RBFOX1: variants seen among roughly 807,000 people sequenced by gnomAD.
RBFOX1 encodes RNA binding fox-1 homolog 1.
A neutral mutation model predicts 57.7 loss-of-function variants in RBFOX1; 8 were observed. The ratio of observed to expected loss-of-function variants is 0.14; its 90% confidence interval spans 0.08 to 0.25. RBFOX1 has a LOEUF of 0.25. Ranked by LOEUF, RBFOX1 falls within the 10% of genes least tolerant of loss-of-function variation. RBFOX1 has a pLI of 1.00. For synonymous variants in RBFOX1, 326 were observed against 222.4 expected, an observed-to-expected ratio of 1.47 and a Z score of -4.15; for missense variants, 611 against 548.5, an observed-to-expected ratio of 1.11 and a Z score of -1.14.
intron 2 of RBFOX1, among the ~76,000 whole-genome samples, chr16:6,381,335 T>G (rs994939909): frequency 6.6e-6 from 1 of 152,126 alleles, no homozygotes; most frequent in Non-Finnish European, 1.5e-5. Context: ...CCTCCCACCC[T>G]TCCATCTTTT....
At chr16:6,988,059 C>A (rs9921058) in intron 3 of RBFOX1, among the ~76,000 whole-genome samples, 152,101 of 152,312 alleles carry the variant, frequency 1, 75,946 homozygotes, top group East Asian at 1. Context: ...AGTTACCCCA[C>A]ATTCCACAGC....
chr16:7,237,996 C>T (rs989455782), intron 4 of RBFOX1, among the ~76,000 whole-genome samples: 11 of 152,048 alleles, frequency 7.2e-5, no homozygotes, highest in African/African-American at 2.4e-4. Flanking sequence ...AAAGCAAGAC[C>T]CTGTCTCAAA....
intron 2 of RBFOX1, among the ~76,000 whole-genome samples, chr16:5,523,366 A>AG (rs113760112): frequency 0.044 from 6,692 of 151,994 alleles, 511 homozygotes; most frequent in African/African-American, 0.15. Context: ...CTGTAATCCC[A>AG]CACTTTGGGA....
chr16:7,510,422 G>C (rs1034987), intron 4 of RBFOX1: 734,497 of 845,072 alleles, frequency 0.87, 321,401 homozygotes, highest in Middle Eastern at 0.9. Flanking sequence ...GTAGCTTGCT[G>C]CTTGAATCAT....
chr16:7,688,260 T>TGTGAGAGAGAGA (rs1319185243), intron 14 of RBFOX1, among the ~76,000 whole-genome samples: 13 of 125,384 alleles, frequency 1.0e-4, no homozygotes, highest in African/African-American at 3.9e-4. Context: ...TGTGTGTGTG[T>TGTGAGAGAGAGA]GAGAGAGAGA....
At chr16:6,445,824 G>C (rs1452213549) in intron 2 of RBFOX1, among the ~76,000 whole-genome samples, 2 of 152,030 alleles carry the variant, frequency 1.3e-5, no homozygotes, top group African/African-American at 2.4e-5. Context: ...CTCGTGATCT[G>C]CCCTCCTCAG....
intron 3 of RBFOX1, among the ~76,000 whole-genome samples, chr16:6,890,416 G>A (rs2065130285): frequency 6.6e-6 from 1 of 152,212 alleles, no homozygotes; most frequent in Non-Finnish European, 1.5e-5. Flanking sequence ...CCACTTGGAA[G>A]GCTGAGGCTG....
At chr16:6,512,661 G>T (rs1232471026) in intron 2 of RBFOX1, among the ~76,000 whole-genome samples, 1 of 152,154 alleles carries the variant, frequency 6.6e-6, no homozygotes, top group African/African-American at 2.4e-5. Context: ...TATCTGTGAG[G>T]CTTTCTAGTT....
chr16:5,414,436 T>C (rs904000269), intron 1 of RBFOX1, among the ~76,000 whole-genome samples: 2 of 152,322 alleles, frequency 1.3e-5, no homozygotes, highest in South Asian at 2.1e-4. Context: ...ATGAGAGATT[T>C]ATTCCCTCTA....
chr16:6,657,902 G>T (rs1386807782), intron 3 of RBFOX1, among the ~76,000 whole-genome samples: 2 of 152,038 alleles, frequency 1.3e-5, no homozygotes, highest in African/African-American at 4.8e-5. Flanking sequence ...GGCTTCTCAA[G>T]AATCACTTTA....
intron 2 of RBFOX1, among the ~76,000 whole-genome samples, chr16:6,494,796 G>GA (rs1282015744): frequency 6.6e-6 from 1 of 152,020 alleles, no homozygotes; most frequent in East Asian, 1.9e-4. Flanking sequence ...CTGATACAAG[G>GA]AAAAAAGAAA....
At chr16:6,626,313 A>G (rs1043422876) in intron 2 of RBFOX1, among the ~76,000 whole-genome samples, 2 of 152,156 alleles carry the variant, frequency 1.3e-5, no homozygotes, top group East Asian at 3.9e-4. Context: ...CAGGTCACCC[A>G]TGAACCTAGA....
chr16:6,980,991 C>T (rs1416303170), intron 3 of RBFOX1, among the ~76,000 whole-genome samples: 9 of 135,392 alleles, frequency 6.6e-5, no homozygotes, highest in African/African-American at 1.7e-4. Context: ...TGCAGTCTGC[C>T]GAGATCACGC....
chr16:7,175,648 C>T (rs979776649), intron 4 of RBFOX1, among the ~76,000 whole-genome samples: 1 of 152,206 alleles, frequency 6.6e-6, no homozygotes, highest in South Asian at 2.1e-4. Context: ...CAGCTGTGTG[C>T]CTCCAGTGTG....
At chr16:5,760,447 C>T (rs1187208103) in intron 3 of RBFOX1, among the ~76,000 whole-genome samples, 1 of 152,090 alleles carries the variant, frequency 6.6e-6, no homozygotes, top group Non-Finnish European at 1.5e-5. Context: ...TATTCAATTA[C>T]ATGTCCATAT....
At chr16:6,094,847 G>T (rs984158916) in intron 1 of RBFOX1, among the ~76,000 whole-genome samples, 1 of 152,172 alleles carries the variant, frequency 6.6e-6, no homozygotes, top group Admixed American at 6.5e-5. Flanking sequence ...ATCACCTGAG[G>T]TCATAAGTTT....
chr16:7,313,557 A>G (rs1055570924), intron 4 of RBFOX1, among the ~76,000 whole-genome samples: 1 of 150,326 alleles, frequency 6.7e-6, no homozygotes, highest in Non-Finnish European at 1.5e-5. Context: ...TTGTAAGACC[A>G]TTTAGGTAAC....
chr16:6,503,496 C>T (rs1188685020), intron 2 of RBFOX1, among the ~76,000 whole-genome samples: 1 of 152,218 alleles, frequency 6.6e-6, no homozygotes, highest in Non-Finnish European at 1.5e-5. Flanking sequence ...CTGATGGTTT[C>T]ATCTGGGTTT....
At position 6,682,410 on chromosome 16, in the gene RBFOX1, T is replaced by TAA. The variant is rs3214354; in HGVS notation, c.-16+27768_-16+27769dup. Among the ~76,000 whole-genome samples, 5 of 151,024 alleles carry TAA rather than the reference T, an allele frequency of 3.3e-5. No individual in the cohort carries two copies. In the South Asian group the frequency reaches 8.4e-4, roughly 25 times the overall value. On this transcript the variant is annotated intron_variant, in intron 3 of 15. Coordinates refer to ENST00000550418, the MANE Select transcript of RBFOX1 (RefSeq NM_018723.4). ...CCCTTCTTGGGGAAATTGTGAAGAC[T>TAA]AAAAAAAAAGTGTTTCATTTTATGG... is the stretch of plus-strand genomic sequence containing the variant.
Sources: gnomAD v4.1 joint callset for allele counts (sites outside exome capture counted in the v4.1 genomes callset) on GRCh38, gnomAD v4.1.1 for gene constraint, MANE v1.5 for transcripts, NCBI Gene and HGNC (gene_info 2026-07-23, HGNC 2026-07-21) for gene names.